IL1RAP: variants seen among roughly 807,000 people sequenced by gnomAD.
IL1RAP encodes the protein interleukin 1 receptor accessory protein.
Under a neutral mutation model 60.7 loss-of-function variants are expected in IL1RAP, and 35 were observed. The ratio of observed to expected loss-of-function variants is 0.58; its 90% CI spans 0.44 to 0.76. The LOEUF is 0.76. Among genes scored for constraint, IL1RAP ranks in the 30% least tolerant of loss-of-function variants. The pLI is 0.00. For missense variants in IL1RAP, 572 were observed against 693.9 expected, an observed-to-expected ratio of 0.82 and a Z score of 1.97; for synonymous variants, 268 against 250.9, an observed-to-expected ratio of 1.07 and a Z score of -0.64.
intron 3 of IL1RAP, among the ~76,000 whole-genome samples, chr3:190,588,360 C>G (rs1303050415): frequency 6.6e-6 from 1 of 152,260 alleles, no homozygotes; most frequent in Admixed American, 6.5e-5. Context: ...GATCCGCCCG[C>G]CTGGGCCTCC....
intron 9 of IL1RAP, among the ~76,000 whole-genome samples, chr3:190,634,042 C>G (rs1018500409): frequency 2.6e-5 from 4 of 151,946 alleles, no homozygotes; most frequent in African/African-American, 9.7e-5. Context: ...TTTCAGTTTG[C>G]CGAGAATTTT....
Position 190,596,565 on chromosome 3 carries a change from A to C in IL1RAP, c.65-7563A>C, listed in dbSNP as rs1729397173. ...GACTTGGCTTTGCAAAGCTTTGCAC[A>C]TTTCCATTAGTCCTCTGTGCCACCA... is the stretch of plus-strand genomic sequence containing the variant. On this transcript the variant is annotated intron_variant, in intron 3 of 11. Transcript: ENST00000447382. Among the ~76,000 whole-genome samples, 4 of 152,166 alleles carry C rather than the reference A, an allele frequency of 2.6e-5. No homozygotes were observed. The South Asian group carries it at 8.3e-4, about 32-fold the overall frequency.
intron 1 of IL1RAP, chr3:190,554,691 A>G (rs936623883): frequency 6.6e-6 from 1 of 150,382 alleles, no homozygotes; most frequent in Non-Finnish European, 1.5e-5. Context: ...TTTTGGAGGA[A>G]TTGTATCCTT....
downstream of IL1RAP, among the ~76,000 whole-genome samples, chr3:190,651,726 A>T (rs1000849732): frequency 2.0e-5 from 3 of 152,154 alleles, no homozygotes; most frequent in Non-Finnish European, 4.4e-5. Context: ...AAGTAAAATG[A>T]ATTGTTCCAG....
intron 7 of IL1RAP, among the ~76,000 whole-genome samples, chr3:190,626,517 A>ATC (rs1477141161): frequency 7.0e-4 from 106 of 152,162 alleles, no homozygotes; most frequent in Non-Finnish European, 4.4e-4. Flanking sequence ...CCTCAGCCAG[A>ATC]TCTCTCTGTG....
intron 3 of IL1RAP, among the ~76,000 whole-genome samples, chr3:190,567,948 A>G (rs1053542531): frequency 6.6e-6 from 1 of 152,218 alleles, no homozygotes; most frequent in Non-Finnish European, 1.5e-5. Context: ...GCAGTGTGTC[A>G]GGAAGCTGAA....
downstream of IL1RAP, among the ~76,000 whole-genome samples, chr3:190,653,324 G>T (rs73062296): frequency 6.6e-6 from 1 of 152,108 alleles, no homozygotes; most frequent in Non-Finnish European, 1.5e-5. Flanking sequence ...TCACATGTAG[G>T]CATCTAATTT....
At chr3:190,632,095 G>A (rs990039703) in intron 9 of IL1RAP, among the ~76,000 whole-genome samples, 110 of 151,960 alleles carry the variant, frequency 7.2e-4, no homozygotes, top group African/African-American at 2.5e-3. Context: ...GAGCCACCAC[G>A]CCCAGCTCAT....
intron 9 of IL1RAP, among the ~76,000 whole-genome samples, chr3:190,643,268 A>C (rs1733786976): frequency 6.6e-6 from 1 of 152,212 alleles, no homozygotes; most frequent in African/African-American, 2.4e-5. Context: ...TAAAATAATG[A>C]TATTCGAGCA....
chr3:190,586,111 C>T (rs1728432628), intron 3 of IL1RAP, among the ~76,000 whole-genome samples: 1 of 152,162 alleles, frequency 6.6e-6, no homozygotes, highest in East Asian at 1.9e-4. Flanking sequence ...TGTGAAGGCA[C>T]CGATGAGTGT....
At chr3:190,612,571 T>C (rs964112186) in intron 5 of IL1RAP, among the ~76,000 whole-genome samples, 1 of 152,198 alleles carries the variant, frequency 6.6e-6, no homozygotes, top group Non-Finnish European at 1.5e-5. Flanking sequence ...TTCAATATTA[T>C]TTTTCACTTC....
At chr3:190,524,205 T>A (rs1722318739) in intron 1 of IL1RAP, among the ~76,000 whole-genome samples, 1 of 152,138 alleles carries the variant, frequency 6.6e-6, no homozygotes, top group South Asian at 2.1e-4. Flanking sequence ...CTAAATAGGT[T>A]GTTTTTTCTT....
chr3:190,563,969 C>T, intron 2 of IL1RAP: 1 of 248,184 alleles, frequency 4.0e-6, no homozygotes, highest in Non-Finnish European at 7.9e-6. Flanking sequence ...GATCATAGCT[C>T]TACCACTCTC....
At chr3:190,537,459 T>A (rs1723564281) in intron 1 of IL1RAP, among the ~76,000 whole-genome samples, 1 of 152,166 alleles carries the variant, frequency 6.6e-6, no homozygotes, top group Non-Finnish European at 1.5e-5. Context: ...TTAGCAGCTT[T>A]TGACAGTAAA....
At chr3:190,527,073 G>C (rs536787084) in intron 1 of IL1RAP, among the ~76,000 whole-genome samples, 1 of 152,298 alleles carries the variant, frequency 6.6e-6, no homozygotes, top group East Asian at 1.9e-4. Context: ...CCCTAGCCTG[G>C]ATCTACCTTG....
chr3:190,647,098 T>G (rs1369588963), intron 11 of IL1RAP, among the ~76,000 whole-genome samples: 1 of 152,244 alleles, frequency 6.6e-6, no homozygotes, highest in African/African-American at 2.4e-5. Context: ...TTGCATTTGT[T>G]AGTTAGCTTT....
intron 3 of IL1RAP, among the ~76,000 whole-genome samples, chr3:190,601,224 A>G (rs1369887451): frequency 6.6e-6 from 1 of 152,128 alleles, no homozygotes; most frequent in Non-Finnish European, 1.5e-5. Context: ...ACCTCAGGTG[A>G]TCCGCCCCCT....
At chr3:190,529,676 T>G (rs1220611745) in intron 1 of IL1RAP, among the ~76,000 whole-genome samples, 3 of 112,762 alleles carry the variant, frequency 2.7e-5, no homozygotes, top group Non-Finnish European at 5.1e-5. Context: ...AGAGCTAGAC[T>G]GTCTCAAAAG....
chr3:190,631,434 C>A (rs1732779475), intron 9 of IL1RAP, among the ~76,000 whole-genome samples: 1 of 152,162 alleles, frequency 6.6e-6, no homozygotes, highest in African/African-American at 2.4e-5. Flanking sequence ...GGTGGATCCT[C>A]TAGACTAGAT....
Sources: gnomAD v4.1 joint callset for allele counts (sites outside exome capture counted in the v4.1 genomes callset) on GRCh38, gnomAD v4.1.1 for gene constraint, MANE v1.5 for transcripts, NCBI Gene and HGNC (gene_info 2026-07-23, HGNC 2026-07-21) for gene names.